TMC1: variants seen among roughly 807,000 people sequenced by gnomAD.
TMC1 encodes transmembrane channel like 1, also known as transmembrane channel-like protein 1.
TMC1 carries 84 observed loss-of-function variants against 105.8 expected under a neutral mutation model. The observed-to-expected ratio is 0.79, with a 90% CI of 0.67 to 0.95. The LOEUF (loss-of-function observed/expected upper bound fraction) is 0.95. Among genes scored for constraint, TMC1 ranks in the 40% least tolerant of loss-of-function variants. The probability of loss-of-function intolerance (pLI) is 0.00; values close to 1 mark genes in which losing one functional copy is unlikely to be tolerated. For missense variants in TMC1, 817 were observed against 914.1 expected (o/e 0.89, Z 1.37); for synonymous variants, 315 against 311.5 (o/e 1.01, Z -0.12).
intron 3 of TMC1, among the ~76,000 whole-genome samples, chr9:72,624,559 C>T (rs1340452120): frequency 6.6e-6 from 1 of 152,188 alleles, no homozygotes; most frequent in African/African-American, 2.4e-5. Context: ...ATAGTTTTCC[C>T]CACTGGGAGG....
At chr9:72,555,483 G>C (rs777637005) in intron 1 of TMC1, among the ~76,000 whole-genome samples, 1 of 152,026 alleles carries the variant, frequency 6.6e-6, no homozygotes. Flanking sequence ...TACTGCGCCC[G>C]GCCCATACTC....
chr9:72,758,460 G>A (rs1486103811), intron 12 of TMC1, among the ~76,000 whole-genome samples: 1 of 152,196 alleles, frequency 6.6e-6, no homozygotes, highest in Non-Finnish European at 1.5e-5. Flanking sequence ...ATAAAGCCAA[G>A]TAGTCACTGG....
At chr9:72,539,197 A>C (rs1389508978) in intron 1 of TMC1, among the ~76,000 whole-genome samples, 1 of 150,498 alleles carries the variant, frequency 6.6e-6, no homozygotes, top group East Asian at 1.9e-4. Flanking sequence ...AGCCTGGGCA[A>C]CATGGCAAAA....
chr9:72,639,497 A>G (rs1005074335), intron 4 of TMC1, among the ~76,000 whole-genome samples: 4 of 152,176 alleles, frequency 2.6e-5, no homozygotes, highest in Non-Finnish European at 5.9e-5. Flanking sequence ...AAATCCTTTG[A>G]AAAAGGAAAA....
intron 4 of TMC1, among the ~76,000 whole-genome samples, chr9:72,639,297 A>T (rs1366211735): frequency 6.6e-6 from 1 of 152,190 alleles, no homozygotes; most frequent in East Asian, 1.9e-4. Context: ...ATGTATGGAA[A>T]GATATATTAG....
chr9:72,622,667 T>G (rs1825274847), intron 3 of TMC1, among the ~76,000 whole-genome samples: 1 of 152,162 alleles, frequency 6.6e-6, no homozygotes, highest in Non-Finnish European at 1.5e-5. Context: ...CCAGACTTGT[T>G]AAATAAGTAG....
intron 5 of TMC1, chr9:72,655,911 G>A: frequency 2.5e-6 from 2 of 795,736 alleles, no homozygotes; most frequent in Non-Finnish European, 4.5e-6. Context: ...AATCTCAGAA[G>A]GACTGAGCAA....
intron 10 of TMC1, among the ~76,000 whole-genome samples, chr9:72,751,471 G>A (rs1266896433): frequency 2.6e-5 from 4 of 152,178 alleles, no homozygotes; most frequent in Admixed American, 6.5e-5. Context: ...TACTAGCTAG[G>A]CACTGTAGTT....
In TMC1 at chr9:72,821,211, C is replaced by T. The variant is rs575727803; in HGVS notation, c.2003+130C>T. On this transcript the variant is annotated intron_variant, in intron 20 of 23. Coordinates refer to ENST00000297784, the MANE Select transcript of TMC1 (RefSeq NM_138691.3). ...TTTTTGGTTGGTGGAAATGAGATCC[C>T]GGCTGGGCGCAGTGGCTCATGCCTG... 6.6e-5 allele frequency: 94 copies of T among 1,414,034 alleles called. 1 individual carries two copies. The East Asian group carries it at 7.8e-4, about 12-fold the overall frequency. 87.6% of individuals were successfully genotyped at this position (1,414,034 alleles called of 1,614,324 possible).
chr9:72,714,363 G>T (rs1826885206), intron 8 of TMC1, among the ~76,000 whole-genome samples: 1 of 152,104 alleles, frequency 6.6e-6, no homozygotes, highest in Admixed American at 6.5e-5. Context: ...TGACAGTGGG[G>T]TGTTAAAGTC....
At chr9:72,677,583 T>G (rs1826222851) in intron 5 of TMC1, among the ~76,000 whole-genome samples, 1 of 152,022 alleles carries the variant, frequency 6.6e-6, no homozygotes, top group Non-Finnish European at 1.5e-5. Flanking sequence ...TGGCAAGGAG[T>G]AAGTGCTCCA....
Position 72,821,156 on chromosome 9 carries a change from T to G in TMC1, c.2003+75T>G. The G allele has an allele frequency of 5.0e-6, 8 of 1,602,358 alleles. 1 individual carries two copies. The South Asian group carries it at 8.8e-5, about 18-fold the overall frequency. ...GAGGTGGGAATGGTCATTCATTGTA[T>G]AAGCTATTTTTTCCCCCCAAACAAT... On this transcript the variant is annotated intron_variant, in intron 20 of 23. Coordinates refer to ENST00000297784, the MANE Select transcript of TMC1 (RefSeq NM_138691.3).
intron 23 of TMC1, among the ~76,000 whole-genome samples, chr9:72,831,337 C>T (rs750688127): frequency 7.2e-5 from 11 of 152,220 alleles, no homozygotes; most frequent in South Asian, 2.1e-4. Flanking sequence ...AGTAATAAAA[C>T]ACTCAAATTG....
At chr9:72,701,535 A>G (rs1248533648) in intron 8 of TMC1, among the ~76,000 whole-genome samples, 1 of 152,216 alleles carries the variant, frequency 6.6e-6, no homozygotes, top group African/African-American at 2.4e-5. Context: ...ATTTTTATAA[A>G]TAGTAGTAAG....
chr9:72,694,466 T>C (rs1419058152), intron 6 of TMC1, 77 bp from the exon 7 acceptor site: 7 of 1,340,666 alleles, frequency 5.2e-6, no homozygotes, highest in African/African-American at 1.5e-5. Context: ...ATAATAGTTA[T>C]TAAAAACTAA....
At chr9:72,682,560 CA>C (rs1826305542) in intron 5 of TMC1, among the ~76,000 whole-genome samples, 1 of 152,148 alleles carries the variant, frequency 6.6e-6, no homozygotes, top group Non-Finnish European at 1.5e-5. Flanking sequence ...CTAGAAGTAG[CA>C]AAGATAAAGG....
chr9:72,746,146 A>G (rs1827486346), intron 10 of TMC1, among the ~76,000 whole-genome samples: 1 of 152,232 alleles, frequency 6.6e-6, no homozygotes, highest in Non-Finnish European at 1.5e-5. Context: ...TAAAACGGAT[A>G]TAAATGCTTT....
intron 1 of TMC1, among the ~76,000 whole-genome samples, chr9:72,529,708 C>G (rs1220818590): frequency 1.3e-5 from 2 of 151,426 alleles, no homozygotes; most frequent in Non-Finnish European, 2.9e-5. Flanking sequence ...TTTTCACTGC[C>G]TTTGGGAAAA....
chr9:72,755,507 A>T (rs1827664598), intron 12 of TMC1, among the ~76,000 whole-genome samples: 1 of 152,210 alleles, frequency 6.6e-6, no homozygotes. Context: ...TCAAATGAGC[A>T]TTACTCCTTG....
Sources: gnomAD v4.1 joint callset for allele counts (sites outside exome capture counted in the v4.1 genomes callset) on GRCh38, gnomAD v4.1.1 for gene constraint, MANE v1.5 for transcripts, NCBI Gene and HGNC (gene_info 2026-07-23, HGNC 2026-07-21) for gene names.